Variants in PKHD1 observed in about 807,000 individuals in gnomAD.
The protein encoded by PKHD1 is fibrocystin.
Under a neutral mutation model 412.0 loss-of-function variants are expected in PKHD1, and 291 were observed. The observed-to-expected ratio is 0.71, with a 90% CI of 0.64 to 0.78. The LOEUF is 0.78. PKHD1 is among the 30% of genes least tolerant of loss of function. The pLI is 0.00. For synonymous variants in PKHD1, 1,777 were observed against 1,821.5 expected (o/e 0.98, Z 0.62); for missense variants, 4,825 against 4,950.7 (o/e 0.97, Z 0.76).
chr6:51,944,098 T>A (rs1789043476), intron 36 of PKHD1, among the ~76,000 whole-genome samples: 1 of 152,148 alleles, frequency 6.6e-6, no homozygotes, highest in South Asian at 2.1e-4. Flanking sequence ...AAATGGCCTG[T>A]TCCTGCCTTA....
chr6:51,999,586 A>G (rs1798117977), intron 35 of PKHD1, among the ~76,000 whole-genome samples: 1 of 152,206 alleles, frequency 6.6e-6, no homozygotes, highest in South Asian at 2.1e-4. Context: ...TGCTGTGGGA[A>G]TAAAAGCAAG....
intron 1 of PKHD1, among the ~76,000 whole-genome samples, chr6:52,085,261 C>T (rs540351071): frequency 6.6e-6 from 1 of 152,026 alleles, no homozygotes; most frequent in African/African-American, 2.4e-5. Flanking sequence ...TAACCTCTTT[C>T]ATTAACTCAT....
intron 35 of PKHD1, among the ~76,000 whole-genome samples, chr6:51,977,704 T>A (rs1418021972): frequency 6.6e-6 from 1 of 152,146 alleles, no homozygotes; most frequent in Non-Finnish European, 1.5e-5. Flanking sequence ...GCCAGATGAG[T>A]GGAGCTGCAA....
intron 33 of PKHD1, among the ~76,000 whole-genome samples, chr6:52,017,998 C>T (rs1800810249): frequency 6.6e-6 from 1 of 152,148 alleles, no homozygotes; most frequent in East Asian, 1.9e-4. Flanking sequence ...TATTCCTAAA[C>T]AAGAGATTGA....
At chr6:51,936,162 T>C (rs1787445458) in intron 36 of PKHD1, among the ~76,000 whole-genome samples, 1 of 152,208 alleles carries the variant, frequency 6.6e-6, no homozygotes, top group African/African-American at 2.4e-5. Flanking sequence ...ACACAATTAA[T>C]GGTTGAGTGA....
In PKHD1 at chr6:51,619,282, T is replaced by C; in HGVS notation, c.12024A>G (p.Arg4008=). ...NWKEGQEQLL[R]YQLAGQNQLL... ...GCTGATTTTGGCCTGCCAGCTGGTA[T>C]CTGAGCAACTGCTCTTGGCCCTCCT... Residue 4008 remains arginine, a synonymous_variant, in exon 67 of 67, where the codon AGA becomes AGG. Coordinates refer to ENST00000371117, the MANE Select transcript of PKHD1 (RefSeq NM_138694.4). The C allele has an allele frequency of 6.2e-7, 1 of 1,614,264 alleles. No individual in the cohort carries two copies. The highest frequency in any genetic ancestry group is 8.5e-7 in the Non-Finnish European group (1 of 1,180,040).
intron 37 of PKHD1, among the ~76,000 whole-genome samples, chr6:51,920,772 A>G (rs1266880): frequency 0.49 from 74,525 of 151,902 alleles, 19,949 homozygotes; most frequent in East Asian, 0.87. Flanking sequence ...TTGGTTGGTA[A>G]GCTATTAATT....
intron 60 of PKHD1, among the ~76,000 whole-genome samples, chr6:51,694,824 C>G (rs1778605510): frequency 6.6e-6 from 1 of 152,050 alleles, no homozygotes; most frequent in African/African-American, 2.4e-5. Context: ...GTGGTACAGT[C>G]ACATCACTTC....
At chr6:52,027,747 A>T in intron 31 of PKHD1, 82 bp downstream of exon 31, 1 of 1,085,744 alleles carries the variant, frequency 9.2e-7, no homozygotes, top group Non-Finnish European at 1.4e-6. Flanking sequence ...CCTCACTGGC[A>T]AATTAATCCA....
chr6:51,825,040 A>G (rs1767088738), intron 52 of PKHD1, among the ~76,000 whole-genome samples: 1 of 152,214 alleles, frequency 6.6e-6, no homozygotes, highest in Non-Finnish European at 1.5e-5. Flanking sequence ...GTAATTTCTT[A>G]TTCATGCAAG....
chr6:52,000,799 T>C (rs1478644609), intron 35 of PKHD1, among the ~76,000 whole-genome samples: 2 of 152,100 alleles, frequency 1.3e-5, no homozygotes, highest in Non-Finnish European at 2.9e-5. Flanking sequence ...TGACAAACAC[T>C]CATCAAAACC....
chr6:51,980,959 C>T (rs1430849981), intron 35 of PKHD1, among the ~76,000 whole-genome samples: 1 of 152,120 alleles, frequency 6.6e-6, no homozygotes, highest in Non-Finnish European at 1.5e-5. Context: ...CCTTTAGTAG[C>T]ATAGCAATAT....
Position 51,831,101 on chromosome 6 carries a change from A to G in PKHD1, c.8174-112T>C, listed in dbSNP as rs144639441. On this transcript the variant is annotated intron_variant, in intron 51 of 66. Transcript: ENST00000371117. ...TCACCTCCCAAAGAAGCTGCCTATC[A>G]ATATTTTATAAGTTTCTGTACAAAT... 8.5e-4 allele frequency: 638 copies of G among 748,682 alleles called. 6 individuals carry two copies. The African/African-American group carries it at 9.8e-3, about 12-fold the overall frequency. The allele number at this position is 748,682 out of a possible 1,614,324, so 46.4% of individuals were successfully genotyped here.
chr6:51,668,860 A>G (rs181957288), intron 60 of PKHD1, among the ~76,000 whole-genome samples: 5 of 152,214 alleles, frequency 3.3e-5, no homozygotes, highest in African/African-American at 4.8e-5. Flanking sequence ...ATTGATTTGC[A>G]TATATTGAAC....
chr6:51,661,007 G>C (rs529275172), intron 60 of PKHD1, among the ~76,000 whole-genome samples: 1 of 152,168 alleles, frequency 6.6e-6, no homozygotes, highest in East Asian at 1.9e-4. Flanking sequence ...TCCATCCTGA[G>C]GCTATCCAGT....
intron 61 of PKHD1, among the ~76,000 whole-genome samples, chr6:51,651,108 G>A (rs1181950165): frequency 6.6e-6 from 1 of 152,058 alleles, no homozygotes; most frequent in Non-Finnish European, 1.5e-5. Flanking sequence ...ACGAAGAGAG[G>A]GAAACCAACT....
intron 52 of PKHD1, among the ~76,000 whole-genome samples, chr6:51,803,013 G>T (rs1188488115): frequency 6.6e-6 from 1 of 150,958 alleles, no homozygotes; most frequent in Non-Finnish European, 1.5e-5. Flanking sequence ...ATGTTTAAGA[G>T]AGAGTTTAAA....
chr6:51,697,899 G>A (rs1032226237), intron 60 of PKHD1, among the ~76,000 whole-genome samples: 1 of 152,144 alleles, frequency 6.6e-6, no homozygotes, highest in African/African-American at 2.4e-5. Context: ...TCATTAAGAA[G>A]TTGTAAACAC....
intron 63 of PKHD1, among the ~76,000 whole-genome samples, chr6:51,646,901 G>A (rs148344222): frequency 6.6e-6 from 1 of 152,162 alleles, no homozygotes; most frequent in East Asian, 1.9e-4. Context: ...GAGCAGAGTG[G>A]TCCTCTAAAC....
Sources: gnomAD v4.1 joint callset for allele counts (sites outside exome capture counted in the v4.1 genomes callset) on GRCh38, gnomAD v4.1.1 for gene constraint, MANE v1.5 for transcripts, NCBI Gene and HGNC (gene_info 2026-07-23, HGNC 2026-07-21) for gene names.